FOXF1: variants seen among roughly 807,000 people sequenced by gnomAD.
FOXF1 encodes forkhead box protein F1.
In FOXF1, 9 loss-of-function variants were observed where a neutral mutation model predicts 26.6. The observed-to-expected ratio is 0.34, with a 90% CI of 0.20 to 0.59. The LOEUF is 0.59. Ranked by LOEUF, FOXF1 falls within the 20% of genes least tolerant of loss-of-function variation. The pLI, the probability that FOXF1 is intolerant of heterozygous loss-of-function variation, is 0.83. For synonymous variants in FOXF1, 330 were observed against 257.7 expected (o/e 1.28, Z -2.69); for missense variants, 499 against 549.9 (o/e 0.91, Z 0.93).
chr16:86,510,608 C>T lies in FOXF1; in HGVS notation c.39C>T (p.Gly13=), dbSNP rs1472650609. The change falls in exon 1 of 2, where the codon GGC becomes GGT. Residue 13 remains glycine, a synonymous_variant. Coordinates refer to ENST00000262426, the MANE Select transcript of FOXF1 (RefSeq NM_001451.3). ...CCGAGAAGCAGCAGCCACCGCACGG[C>T]GGCGGCGGCGGCGGCGGCGGGGGAG... ...SAPEKQQPPH[G]GGGGGGGGGG... The T allele has an allele frequency of 1.5e-6, 2 of 1,373,556 alleles. No homozygotes were observed. The highest frequency in any genetic ancestry group is 9.3e-7 in the Non-Finnish European group (1 of 1,071,402). The allele number at this position is 1,373,556 out of a possible 1,614,324, so 85.1% of individuals were successfully genotyped here. A position where few individuals can be genotyped will look rare whatever the true frequency, so the allele number is the denominator to read the frequency against.
At chr16:86,511,633 C>G in intron 1 of FOXF1, 85 bp downstream of exon 1, 1 of 1,530,768 alleles carries the variant, frequency 6.5e-7, no homozygotes, top group Non-Finnish European at 8.7e-7. Flanking sequence ...AGCCCCTCCA[C>G]TTCTGTGGTC....
intron 1 of FOXF1, 101 bp from the exon 2 acceptor site, chr16:86,512,824 C>A: frequency 7.2e-7 from 1 of 1,392,786 alleles, no homozygotes; most frequent in South Asian, 1.2e-5. Flanking sequence ...GGCTGACAGG[C>A]CCTGTGCGCC....
chr16:86,511,446 T>A lies in FOXF1; in HGVS notation c.877T>A (p.Cys293Ser), dbSNP rs777880203. Residue 293 changes from cysteine (C) to serine (S), a missense_variant, in exon 1 of 2, where the codon TGT becomes AGT. By Grantham distance (112) the Cys-to-Ser change is moderately radical (BLOSUM62 -1). This residue lies in a region of FOXF1 where 367 missense variants were observed against 324.8 expected (regional missense o/e 1.13). Coordinates refer to ENST00000262426, the MANE Select transcript of FOXF1 (RefSeq NM_001451.3). ...TATCAAGCAGCAGCCCCTGTCCCCC[T>A]GTAACCCCGCGGCCAACCCCCTGTC... ...SYIKQQPLSP[C>S]NPAANPLSGS... is the part of the protein sequence containing the mutation. 19 of 1,594,488 alleles carry A rather than the reference T, an allele frequency of 1.2e-5. No individual in the cohort carries two copies. The highest frequency in any genetic ancestry group is 1.4e-5 in the Non-Finnish European group (17 of 1,178,502).
Position 86,510,838 on chromosome 16 carries a change from A to G in FOXF1, c.269A>G (p.Gln90Arg). The G allele has an allele frequency of 1.2e-6, 2 of 1,614,080 alleles. No homozygotes were observed. Among genetic ancestry groups the G allele is most frequent in the African/African-American group, 1.3e-5 (1 of 75,046 alleles). ...SRFPFFRGSY[Q>R]GWKNSVRHNL... ...TTCCCCTTCTTCCGGGGCTCCTACC[A>G]GGGCTGGAAGAACTCCGTGCGCCAC... is the stretch of plus-strand genomic sequence containing the variant. Residue 90 changes from glutamine (Q) to arginine (R), a missense_variant, in exon 1 of 2, where the codon CAG (glutamine) becomes CGG (arginine). This residue lies in a region of FOXF1 where 20 missense variants were observed against 56.1 expected (regional missense o/e 0.36). Transcript: ENST00000262426.
At chr16:86,511,710 C>T (rs559513430) in intron 1 of FOXF1, among the ~76,000 whole-genome samples, 162 bp downstream of exon 1, 24 of 152,316 alleles carry the variant, frequency 1.6e-4, no homozygotes, top group Non-Finnish European at 2.8e-4. Context: ...TCTCCCCCTT[C>T]GAAGAGTGAC....
chr16:86,512,974 G>T lies in FOXF1; in HGVS notation c.1029G>T (p.Glu343Asp). Residue 343 changes from glutamate (E) to aspartate (D), a missense_variant, in exon 2 of 2, where the codon GAG becomes GAT. Around this residue, in one of 5 missense-constraint regions of FOXF1, gnomAD observed 367 missense variants for 324.8 expected, o/e 1.13. Transcript: ENST00000262426. ...CGCCCAGCATGTGTGACCGAAAGGA[G>T]TTTGTCTTCTCTTTCAACGCCATGG... ...SQSPSMCDRKEFVFSFNAMAS... is the reference protein window; with the variant it reads ...SQSPSMCDRKDFVFSFNAMAS... 1 of 1,614,208 alleles carries T rather than the reference G, an allele frequency of 6.2e-7. No individual in the cohort carries two copies. Among genetic ancestry groups the T allele is most frequent in the Non-Finnish European group, 8.5e-7 (1 of 1,180,054 alleles).
rs574179816 is a variant in FOXF1, at chr16:86,510,604, ACGGCGGCGGCGGCGG to A, written c.45_59del (p.Gly19_Gly23del). 2.9e-6 allele frequency: 4 copies of A among 1,379,038 alleles called. No individual in the cohort carries two copies. Among genetic ancestry groups the A allele is most frequent in the Non-Finnish European group, 3.7e-6 (4 of 1,075,250 alleles). The allele number at this position is 1,379,038 out of a possible 1,614,324, so 85.4% of individuals were successfully genotyped here. A position where few individuals can be genotyped will look rare whatever the true frequency, so the allele number is the denominator to read the frequency against. On this transcript the variant is annotated inframe_deletion, in exon 1 of 2. Coordinates refer to ENST00000262426, the MANE Select transcript of FOXF1 (RefSeq NM_001451.3). ...GCGCCCGAGAAGCAGCAGCCACCGCACGGCGGCGGCGGCGGCGGCGGCGGGGGAGGCGGCGCGGCC... is the reference window on the plus strand; with the variant it reads ...GCGCCCGAGAAGCAGCAGCCACCGCACGGCGGCGGGGGAGGCGGCGCGGCC...
chr16:86,511,390 C>T lies in FOXF1; in HGVS notation c.821C>T (p.Ala274Val). The T allele has an allele frequency of 6.3e-7, 1 of 1,586,732 alleles. No individual in the cohort carries two copies. Among genetic ancestry groups the T allele is most frequent in the South Asian group, 1.1e-5 (1 of 89,818 alleles). Reference protein sequence around the residue: ...SGSAAAWPPSASAALNSGASY... With the variant: ...SGSAAAWPPSVSAALNSGASY... ...TCGGCGGCGGCCTGGCCGCCCTCGG[C>T]GTCCGCGGCGCTCAACAGCGGCGCC... The change falls in exon 1 of 2, where the codon GCG becomes GTG. Residue 274 changes from alanine (A) to valine (V), a missense_variant. Ala to Val is a moderately conservative substitution (Grantham distance 64, BLOSUM62 0). Around this residue, in one of 5 missense-constraint regions of FOXF1, gnomAD observed 367 missense variants for 324.8 expected, o/e 1.13. Coordinates refer to ENST00000262426, the MANE Select transcript of FOXF1 (RefSeq NM_001451.3).
rs1307825623 is a variant in FOXF1 at position 86,514,207 on chromosome 16, A to G, written c.*1122A>G. The stretch of plus-strand genomic sequence containing the variant: ...GATCTGTGTAAAAACAAATTTCCAT[A>G]TGTTTTATATAAATATATATATAAT... On this transcript the variant is annotated 3_prime_UTR_variant, in exon 2 of 2. Coordinates refer to ENST00000262426, the MANE Select transcript of FOXF1 (RefSeq NM_001451.3). 1 of 150,576 alleles carries G rather than the reference A, an allele frequency of 6.6e-6. No homozygotes were observed. The highest frequency in any genetic ancestry group is 1.5e-5 in the Non-Finnish European group (1 of 67,816). The allele number at this position is 150,576 out of a possible 1,614,324, so 9.3% of individuals were successfully genotyped here.
chr16:86,511,863 T>G (rs1969570863), intron 1 of FOXF1, among the ~76,000 whole-genome samples: 1 of 152,212 alleles, frequency 6.6e-6, no homozygotes, highest in Non-Finnish European at 1.5e-5. Flanking sequence ...TTGTGTCCCT[T>G]AAGTCCCCTC....
At position 86,511,092 on chromosome 16, in the gene FOXF1, T is replaced by G; in HGVS notation, c.523T>G (p.Ser175Ala). The G allele has an allele frequency of 5.0e-6, 8 of 1,608,100 alleles. No homozygotes were observed. Among genetic ancestry groups the G allele is most frequent in the Non-Finnish European group, 6.8e-6 (8 of 1,179,820 alleles). ...HLPDTYGFQG[S>A]AGGLSCPPNS... ...CCCGGACACCTACGGCTTCCAGGGC[T>G]CGGCCGGCGGCCTCTCGTGCCCGCC... The change falls in exon 1 of 2, where the codon TCG becomes GCG. Residue 175 changes from serine (S) to alanine (A), a missense_variant. Coordinates refer to ENST00000262426, the MANE Select transcript of FOXF1 (RefSeq NM_001451.3).
chr16:86,511,492 C>T lies in FOXF1; in HGVS notation c.923C>T (p.Ser308Phe), dbSNP rs1268465800. The stretch of plus-strand genomic sequence containing the variant: ...CTGTCCGGCAGCCTCTCCACGCACT[C>T]CCTGGAGCAGCCGTATCTGCACCAG... ...NPLSGSLSTH[S>F]LEQPYLHQNS... The change falls in exon 1 of 2, where the codon TCC becomes TTC. Residue 308 changes from serine (S) to phenylalanine (F), a missense_variant. Transcript: ENST00000262426. The T allele has an allele frequency of 6.3e-7, 1 of 1,585,504 alleles. No individual in the cohort carries two copies. Among genetic ancestry groups the T allele is most frequent in the Non-Finnish European group, 8.5e-7 (1 of 1,174,404 alleles).
chr16:86,512,045 C>T (rs1033700368), intron 1 of FOXF1, among the ~76,000 whole-genome samples: 4 of 152,242 alleles, frequency 2.6e-5, no homozygotes, highest in East Asian at 3.9e-4. Flanking sequence ...GGCTCAGCCC[C>T]GGCCTTTCAG....
intron 1 of FOXF1, among the ~76,000 whole-genome samples, chr16:86,511,994 C>G (rs528688219): frequency 6.6e-6 from 1 of 152,232 alleles, no homozygotes; most frequent in Non-Finnish European, 1.5e-5. Flanking sequence ...CTGGGCGGAA[C>G]GGAAGGTGTT....
In FOXF1 at chr16:86,514,217, T is replaced by C. The variant is rs1272980266; in HGVS notation, c.*1132T>C. ...AAAACAAATTTCCATATGTTTTATATAAATATATATATAATATGAAGGACT... is the reference window on the plus strand; with the variant it reads ...AAAACAAATTTCCATATGTTTTATACAAATATATATATAATATGAAGGACT... On this transcript the variant is annotated 3_prime_UTR_variant, in exon 2 of 2. Coordinates refer to ENST00000262426, the MANE Select transcript of FOXF1 (RefSeq NM_001451.3). 2 of 149,300 alleles carry C rather than the reference T, an allele frequency of 1.3e-5. No individual in the cohort carries two copies. The highest frequency in any genetic ancestry group is 4.9e-5 in the African/African-American group (2 of 40,636). 9.2% of individuals were successfully genotyped at this position (149,300 alleles called of 1,614,324 possible).
In FOXF1 at chr16:86,515,276, C is replaced by T. The variant is rs777609002; in HGVS notation, c.*2191C>T. ...TGTTGGTGCGGTCCTTCCAGACCCACCGCAGTGTCTTGCGTCGTGGGGTCG... is the reference window on the plus strand; with the variant it reads ...TGTTGGTGCGGTCCTTCCAGACCCATCGCAGTGTCTTGCGTCGTGGGGTCG... On this transcript the variant is annotated 3_prime_UTR_variant, in exon 2 of 2. Transcript: ENST00000262426. The surrounding 1 kb of genome is among the most constrained non-coding windows in gnomAD (Gnocchi z 4.1). The T allele has an allele frequency of 9.9e-5, 15 of 152,082 alleles. No individual in the cohort carries two copies. Among genetic ancestry groups the T allele is most frequent in the Non-Finnish European group, 2.2e-4 (15 of 68,026 alleles). The allele number at this position is 152,082 out of a possible 1,614,324, so 9.4% of individuals were successfully genotyped here. A position where few individuals can be genotyped will look rare whatever the true frequency, so the allele number is the denominator to read the frequency against.
In FOXF1 at chr16:86,513,175, C is replaced by A; in HGVS notation, c.*90C>A. ...AAACTGCTTTCTTCTCGAGGTATAA[C>A]CGTCGGCAGAAGAAAAGGGTTCCAC... On this transcript the variant is annotated 3_prime_UTR_variant, in exon 2 of 2. Coordinates refer to ENST00000262426, the MANE Select transcript of FOXF1 (RefSeq NM_001451.3). 7.1e-7 allele frequency: 1 copy of A among 1,416,692 alleles called. No homozygotes were observed. Among genetic ancestry groups the A allele is most frequent in the Non-Finnish European group, 9.7e-7 (1 of 1,028,016 alleles). The allele number at this position is 1,416,692 out of a possible 1,614,324, so 87.8% of individuals were successfully genotyped here. A position where few individuals can be genotyped will look rare whatever the true frequency, so the allele number is the denominator to read the frequency against.
rs1214332704 is a variant in FOXF1 at position 86,514,070 on chromosome 16, A to G, written c.*985A>G. 1 of 152,230 alleles carries G rather than the reference A, an allele frequency of 6.6e-6. No individual in the cohort carries two copies. Among genetic ancestry groups the G allele is most frequent in the Non-Finnish European group, 1.5e-5 (1 of 68,034 alleles). 9.4% of individuals were successfully genotyped at this position (152,230 alleles called of 1,614,324 possible). On this transcript the variant is annotated 3_prime_UTR_variant, in exon 2 of 2. Coordinates refer to ENST00000262426, the MANE Select transcript of FOXF1 (RefSeq NM_001451.3). ...ATTCTACTTTCTTTCCCTAATAATC[A>G]AAACACCGCGTAGGCTCCTCCGTTT...
chr16:86,511,448 TAACCCCGCGGCC>T lies in FOXF1; in HGVS notation c.886_897del (p.Ala296_Pro299del). 1.3e-6 allele frequency: 2 copies of T among 1,594,522 alleles called. No individual in the cohort carries two copies. Among genetic ancestry groups the T allele is most frequent in the Non-Finnish European group, 1.7e-6 (2 of 1,178,446 alleles). On this transcript the variant is annotated inframe_deletion, in exon 1 of 2. Coordinates refer to ENST00000262426, the MANE Select transcript of FOXF1 (RefSeq NM_001451.3). Reference sequence around the variant, plus strand: ...TCAAGCAGCAGCCCCTGTCCCCCTGTAACCCCGCGGCCAACCCCCTGTCCGGCAGCCTCTCCA... The same window carrying T: ...TCAAGCAGCAGCCCCTGTCCCCCTGTAACCCCCTGTCCGGCAGCCTCTCCA...
Sources: allele counts gnomAD v4.1 joint callset (sites outside exome capture counted in the v4.1 genomes callset), GRCh38; gene constraint gnomAD v4.1.1; regional missense constraint gnomAD v4.1.1; non-coding constraint Gnocchi (gnomAD v3.1); transcripts MANE v1.5; gene names NCBI Gene and HGNC (gene_info 2026-07-23, HGNC 2026-07-21).